The following ARSF variants were observed in gnomAD, a reference collection of about 807,000 sequenced individuals.
ARSF encodes arylsulfatase F.
ARSF carries 33 observed loss-of-function variants against 35.4 expected under a neutral mutation model. The observed-to-expected ratio is 0.93, with a 90% CI of 0.71 to 1.25. ARSF has a LOEUF of 1.25. ARSF is among the 50% of genes most tolerant of loss of function. The probability of loss-of-function intolerance (pLI) is 0.00; values close to 1 mark genes in which losing one functional copy is unlikely to be tolerated. For synonymous variants in ARSF, 222 were observed against 193.1 expected (o/e 1.15, Z -1.24); for missense variants, 501 against 480.2 (o/e 1.04, Z -0.40).
At chrX:3,102,504 A>G (rs1412119313) in intron 8 of ARSF, among the ~76,000 whole-genome samples, 1 of 112,637 alleles carries the variant, frequency 8.9e-6, no homozygotes, top group Non-Finnish European at 1.9e-5. Flanking sequence ...TATGTACACC[A>G]CGTTTTCTTT....
rs1162074386 is a variant in ARSF at position 3,077,264 on chromosome X, G to A, written c.283+595G>A. On this transcript the variant is annotated intron_variant, in intron 4 of 10. Transcript: ENST00000381127. ...TTTCCCAGGTCAACAAAGATAAGCTGTCTTGGAATGAAGTAATTAATACAA... is the reference window on the plus strand; with the variant it reads ...TTTCCCAGGTCAACAAAGATAAGCTATCTTGGAATGAAGTAATTAATACAA... Among the ~76,000 whole-genome samples, 6 of 112,145 alleles carry A rather than the reference G, an allele frequency of 5.4e-5. No individual in the cohort carries two copies. In the Admixed American group the frequency reaches 5.7e-4, roughly 11 times the overall value.
At chrX:3,054,551 G>A (rs1008053518) in intron 1 of ARSF, among the ~76,000 whole-genome samples, 40 of 110,466 alleles carry the variant, frequency 3.6e-4, no homozygotes, top group Non-Finnish European at 4.2e-4. Context: ...CCATCGTCTT[G>A]CCTTGACCTC....
intron 7 of ARSF, among the ~76,000 whole-genome samples, chrX:3,095,227 A>G (rs2090331110): frequency 1.8e-5 from 2 of 109,516 alleles, no homozygotes; most frequent in African/African-American, 6.6e-5. Context: ...ATAATTGAAT[A>G]ATATTAAGAA....
intron 9 of ARSF, among the ~76,000 whole-genome samples, chrX:3,105,661 C>T (rs893837250): frequency 1.8e-5 from 2 of 110,866 alleles, no homozygotes; most frequent in African/African-American, 6.6e-5. Flanking sequence ...GATGGGTTTT[C>T]GCCATGTTGG....
In ARSF at chrX:3,076,635, C is replaced by A. The variant is rs189174750; in HGVS notation, c.249C>A (p.Ser83=). The change falls in exon 4 of 11, where the codon TCC becomes TCA. Residue 83 remains serine (S), a synonymous_variant. Transcript: ENST00000381127. ...CCTCCCTCTGCAGCCCAAGCCGGTC[C>A]GCGTTCTTGACGGGAAGATACCCCA... The part of the protein sequence containing the change: ...SAASLCSPSR[S]AFLTGRYPIR... 8.3e-7 allele frequency: 1 copy of A among 1,211,693 alleles called. No individual in the cohort carries two copies. Among genetic ancestry groups the A allele is most frequent in the Non-Finnish European group, 1.1e-6 (1 of 895,508 alleles).
chrX:3,112,437 C>T lies in ARSF; in HGVS notation c.1654C>T (p.Leu552Phe). ...AACCATCGTGCCTGTGACCTACCAA[C>T]TCTCAGAACTGAATCAGGGCAGGAC... ...QETIVPVTYQ[L>F]SELNQGRTWL... The change falls in exon 11 of 11, where the codon CTC becomes TTC. Residue 552 changes from leucine to phenylalanine, a missense_variant. Leu to Phe is a conservative substitution (Grantham distance 22). Transcript: ENST00000381127. 2 of 1,211,709 alleles carry T rather than the reference C, an allele frequency of 1.7e-6. No homozygotes were observed. Among genetic ancestry groups the T allele is most frequent in the Non-Finnish European group, 1.1e-6 (1 of 895,560 alleles).
chrX:3,043,232 G>T (rs983081707), intron 1 of ARSF, among the ~76,000 whole-genome samples: 1 of 111,944 alleles, frequency 8.9e-6, no homozygotes, highest in African/African-American at 3.2e-5. Flanking sequence ...TTTTGTATGA[G>T]AAAGAATCTT....
In ARSF at chrX:3,112,260, T is replaced by C; in HGVS notation, c.1477T>C (p.Cys493Arg). 1.7e-5 allele frequency: 21 copies of C among 1,210,906 alleles called. No individual in the cohort carries two copies. Among genetic ancestry groups the C allele is most frequent in the Non-Finnish European group, 2.2e-5 (20 of 895,025 alleles). ...GGCYVTSLCR[C>R]FGEQVTYHNP... ...CTGCTATGTCACCTCATTATGCAGA[T>C]GTTTCGGAGAACAGGTTACCTACCA... The change falls in exon 11 of 11, where the codon TGT becomes CGT. Residue 493 changes from cysteine (C) to arginine (R), a missense_variant. Physicochemically the swap from Cys to Arg is radical, Grantham distance 180. Transcript: ENST00000381127.
chrX:3,073,526 A>G (rs989370484), intron 3 of ARSF, among the ~76,000 whole-genome samples: 3 of 88,226 alleles, frequency 3.4e-5, no homozygotes, highest in African/African-American at 5.1e-5. Flanking sequence ...TCACTATACT[A>G]TATATTAATA....
intron 4 of ARSF, among the ~76,000 whole-genome samples, chrX:3,076,970 C>T (rs886209802): frequency 5.4e-5 from 6 of 110,937 alleles, no homozygotes; most frequent in East Asian, 5.7e-4. Context: ...CGCCTGAGCC[C>T]GGGAGTTTGA....
chrX:3,084,099 T>C, intron 5 of ARSF, 144 bp from the exon 6 acceptor site: 1 of 754,588 alleles, frequency 1.3e-6, no homozygotes, highest in East Asian at 3.4e-5. Flanking sequence ...ACTCGGATTT[T>C]TTAGAGGAAG....
intron 1 of ARSF, among the ~76,000 whole-genome samples, chrX:3,057,298 G>GT (rs896703300): frequency 2.7e-5 from 3 of 111,662 alleles, no homozygotes; most frequent in Non-Finnish European, 3.8e-5. Context: ...CTTTATTAGC[G>GT]TTTTTTTCCC....
intron 1 of ARSF, among the ~76,000 whole-genome samples, chrX:3,053,087 C>CT (rs2090003144): frequency 9.0e-6 from 1 of 111,188 alleles, no homozygotes; most frequent in Non-Finnish European, 1.9e-5. Flanking sequence ...TGCCCAGGAA[C>CT]TAGCCTGACA....
At chrX:3,075,959 TTTTC>T (rs1183509726) in intron 3 of ARSF, among the ~76,000 whole-genome samples, 1 of 89,942 alleles carries the variant, frequency 1.1e-5, no homozygotes, top group Non-Finnish European at 2.2e-5. Flanking sequence ...CTCTCTCTGT[TTTTC>T]TTTCTGTCTC....
At chrX:3,058,351 C>A (rs1435967089) in intron 1 of ARSF, 2 of 130,366 alleles carry the variant, frequency 1.5e-5, no homozygotes, top group Admixed American at 8.7e-5. Context: ...AGGCCTTAGG[C>A]AGCCTGGTGG....
chrX:3,074,417 C>G (rs777366632), intron 3 of ARSF, among the ~76,000 whole-genome samples: 1 of 111,095 alleles, frequency 9.0e-6, no homozygotes, highest in East Asian at 2.8e-4. Flanking sequence ...CTCCTTGCAC[C>G]AGTTACCTGT....
chrX:3,093,399 C>T (rs756512384), intron 7 of ARSF, among the ~76,000 whole-genome samples: 1 of 111,306 alleles, frequency 9.0e-6, no homozygotes. Flanking sequence ...GATTTTCAGC[C>T]CTTGTCCCCC....
chrX:3,060,777 AGAAAT>A (rs2090038591), intron 1 of ARSF, among the ~76,000 whole-genome samples: 1 of 111,695 alleles, frequency 9.0e-6, no homozygotes, highest in East Asian at 2.8e-4. Context: ...AAGAGTAAAA[AGAAAT>A]GAACAAAGCC....
At chrX:3,076,700 T>C in intron 4 of ARSF, 31 bp downstream of exon 4, 1 of 1,198,099 alleles carries the variant, frequency 8.3e-7, no homozygotes, top group African/African-American at 1.7e-5. Context: ...TGCTGGGCTC[T>C]GCCCTCATGT....
Sources: allele counts gnomAD v4.1 joint callset (sites outside exome capture counted in the v4.1 genomes callset), GRCh38; gene constraint gnomAD v4.1.1; transcripts MANE v1.5; gene names NCBI Gene and HGNC (gene_info 2026-07-23, HGNC 2026-07-21).